Variants in NCAM1 observed in about 807,000 individuals in gnomAD.
The protein encoded by NCAM1 is antigen recognized by monoclonal antibody 5.1H11.
Under a neutral mutation model 109.8 loss-of-function variants are expected in NCAM1, and 14 were observed. That is an observed-to-expected ratio of 0.13 (90% CI 0.08 to 0.20). NCAM1 has a LOEUF of 0.20. NCAM1 is among the 10% of genes least tolerant of loss of function. The probability of loss-of-function intolerance (pLI) is 1.00; values close to 1 mark genes in which losing one functional copy is unlikely to be tolerated. For missense variants in NCAM1, 774 were observed against 1,109.9 expected (o/e 0.70, Z 4.30); for synonymous variants, 418 against 442.9 (o/e 0.94, Z 0.70).
chr11:113,201,296 C>T (rs1325817841), intron 1 of NCAM1, among the ~76,000 whole-genome samples: 3 of 152,182 alleles, frequency 2.0e-5, no homozygotes, highest in African/African-American at 4.8e-5. Flanking sequence ...ACCATGGCAA[C>T]GAGCATCACC....
At chr11:113,065,544 A>G (rs1177014875) in intron 1 of NCAM1, among the ~76,000 whole-genome samples, 1 of 152,170 alleles carries the variant, frequency 6.6e-6, no homozygotes, top group Non-Finnish European at 1.5e-5. Flanking sequence ...GATGCAATGA[A>G]AATGGCACTT....
intron 1 of NCAM1, among the ~76,000 whole-genome samples, chr11:113,103,241 T>C (rs1555091845): frequency 6.6e-6 from 1 of 152,224 alleles, no homozygotes; most frequent in East Asian, 1.9e-4. Flanking sequence ...TATTAAAGCA[T>C]GGATTAAAAT....
intron 1 of NCAM1, among the ~76,000 whole-genome samples, chr11:113,022,373 C>T (rs1167085336): frequency 3.9e-5 from 6 of 152,136 alleles, no homozygotes; most frequent in African/African-American, 1.4e-4. Context: ...CTATTCTGGA[C>T]AGGGTAAATT....
At chr11:113,087,550 C>G (rs1195086746) in intron 1 of NCAM1, among the ~76,000 whole-genome samples, 1 of 152,138 alleles carries the variant, frequency 6.6e-6, no homozygotes, top group Non-Finnish European at 1.5e-5. Flanking sequence ...CTGAAGTTGT[C>G]CACACCTTAG....
chr11:113,209,150 C>T (rs567102823), intron 7 of NCAM1, among the ~76,000 whole-genome samples: 1 of 152,322 alleles, frequency 6.6e-6, no homozygotes, highest in African/African-American at 2.4e-5. Context: ...TGGGGAAGTG[C>T]CAGTCTGAGG....
intron 14 of NCAM1, 87 bp downstream of exon 14, chr11:113,235,251 G>C (rs2137279797): frequency 6.2e-7 from 1 of 1,609,160 alleles, no homozygotes; most frequent in East Asian, 2.2e-5. Flanking sequence ...CCATGTCATT[G>C]TTCAGACCAC....
At chr11:113,241,742 C>A (rs1462257115) in intron 14 of NCAM1, among the ~76,000 whole-genome samples, 1 of 152,240 alleles carries the variant, frequency 6.6e-6, no homozygotes, top group Non-Finnish European at 1.5e-5. Context: ...AGTAAGACCA[C>A]AGCTCAGTAA....
Position 113,204,490 on chromosome 11 carries a change from A to G in NCAM1, c.332A>G (p.Asn111Ser). 1 of 1,613,998 alleles carries G rather than the reference A, an allele frequency of 6.2e-7. No homozygotes were observed. The highest frequency in any genetic ancestry group is 8.5e-7 in the Non-Finnish European group (1 of 1,179,878). ...EDGSESEATV[N>S]VKIFQKLMFK... ...GGCAGTGAGTCAGAGGCCACCGTCA[A>G]CGTGAAGATCTTTCGTAAGAGCCTC... The change falls in exon 3 of 20, where the codon AAC becomes AGC. Residue 111 changes from asparagine (N) to serine (S), a missense_variant. Around this residue, in one of 4 missense-constraint regions of NCAM1, gnomAD observed 112 missense variants for 142.0 expected, o/e 0.79. Coordinates refer to ENST00000316851, the MANE Select transcript of NCAM1 (RefSeq NM_181351.5).
intron 13 of NCAM1, among the ~76,000 whole-genome samples, chr11:113,234,002 T>C (rs868993663): frequency 6.6e-6 from 1 of 152,140 alleles, no homozygotes; most frequent in Non-Finnish European, 1.5e-5. Context: ...TCGAGTGGAA[T>C]TGGAAGTAGG....
intron 1 of NCAM1, among the ~76,000 whole-genome samples, chr11:113,046,490 A>G (rs1255018581): frequency 2.6e-5 from 4 of 152,212 alleles, no homozygotes; most frequent in Non-Finnish European, 4.4e-5. Context: ...TTGAAACATT[A>G]CTTTTACAGC....
At chr11:113,078,019 T>A (rs1182873313) in intron 1 of NCAM1, among the ~76,000 whole-genome samples, 1 of 152,050 alleles carries the variant, frequency 6.6e-6, no homozygotes, top group Non-Finnish European at 1.5e-5. Flanking sequence ...TATTTCAGAG[T>A]CTACATTTGT....
intron 1 of NCAM1, among the ~76,000 whole-genome samples, chr11:112,975,545 A>T (rs1017238055): frequency 6.6e-6 from 1 of 152,072 alleles, no homozygotes; most frequent in Admixed American, 6.6e-5. Flanking sequence ...TTATTTTCTC[A>T]GCATTTTTTT....
intron 1 of NCAM1, among the ~76,000 whole-genome samples, chr11:113,069,490 C>T (rs1938158051): frequency 6.6e-6 from 1 of 152,068 alleles, no homozygotes; most frequent in Non-Finnish European, 1.5e-5. Context: ...TACCTGGAAG[C>T]AGTATGGAGA....
At chr11:113,157,303 A>C (rs782131426) in intron 1 of NCAM1, among the ~76,000 whole-genome samples, 3 of 152,200 alleles carry the variant, frequency 2.0e-5, no homozygotes, top group Admixed American at 6.5e-5. Flanking sequence ...AGTTCATTAG[A>C]ACTTCACTGT....
At chr11:112,990,181 T>A (rs1017317567) in intron 1 of NCAM1, among the ~76,000 whole-genome samples, 1 of 152,156 alleles carries the variant, frequency 6.6e-6, no homozygotes, top group Non-Finnish European at 1.5e-5. Context: ...AGCTTTACAG[T>A]CTGTAGAGAG....
chr11:113,242,470 C>G (rs372095959), intron 14 of NCAM1, among the ~76,000 whole-genome samples: 47 of 152,104 alleles, frequency 3.1e-4, no homozygotes, highest in African/African-American at 1.1e-3. Context: ...ATTAGCCAGG[C>G]GTGGTGGCAT....
At chr11:112,987,065 G>T (rs1274418630) in intron 1 of NCAM1, among the ~76,000 whole-genome samples, 2 of 152,044 alleles carry the variant, frequency 1.3e-5, no homozygotes, top group Non-Finnish European at 2.9e-5. Context: ...TGCTTTTGCT[G>T]CATCCTATAA....
chr11:113,259,331 G>T (rs143595914), intron 16 of NCAM1, among the ~76,000 whole-genome samples: 3 of 152,128 alleles, frequency 2.0e-5, no homozygotes, highest in African/African-American at 7.2e-5. Flanking sequence ...GATTACAGGC[G>T]TGAGCCACCG....
chr11:113,233,068 G>A lies in NCAM1; in HGVS notation c.1523-79G>A. 7.2e-7 allele frequency: 1 copy of A among 1,387,650 alleles called. No individual in the cohort carries two copies. The highest frequency in any genetic ancestry group is 1.0e-6 in the Non-Finnish European group (1 of 1,003,920). 86.0% of individuals were successfully genotyped at this position (1,387,650 alleles called of 1,614,324 possible). A position where few individuals can be genotyped will look rare whatever the true frequency, so the allele number is the denominator to read the frequency against. ...CCCAAGAGTGAGCAGAAATGACAGAGATGTGCCTTGTGACTGAGAGTTAAT... is the reference window on the plus strand; with the variant it reads ...CCCAAGAGTGAGCAGAAATGACAGAAATGTGCCTTGTGACTGAGAGTTAAT... On this transcript the variant is annotated intron_variant, in intron 12 of 19. Transcript: ENST00000316851. This position sits in a 1 kb window ranked among gnomAD's most constrained non-coding sequence, Gnocchi z 4.5.
Sources: allele counts gnomAD v4.1 joint callset (sites outside exome capture counted in the v4.1 genomes callset), GRCh38; gene constraint gnomAD v4.1.1; regional missense constraint gnomAD v4.1.1; non-coding constraint Gnocchi (gnomAD v3.1); transcripts MANE v1.5; gene names NCBI Gene and HGNC (gene_info 2026-07-23, HGNC 2026-07-21).